WFDC11: variants seen among roughly 807,000 people sequenced by gnomAD.
WFDC11 encodes protein WFDC11.
WFDC11 carries 9 observed loss-of-function variants against 9.9 expected under a neutral mutation model. The ratio of observed to expected loss-of-function variants is 0.91; its 90% CI spans 0.55 to 1.58. WFDC11 has a LOEUF of 1.58. Among genes scored for constraint, WFDC11 ranks in the 40% most tolerant of loss-of-function variants. The probability of loss-of-function intolerance (pLI) is 0.00; values close to 1 mark genes in which losing one functional copy is unlikely to be tolerated. For synonymous variants in WFDC11, 32 were observed against 33.3 expected, an observed-to-expected ratio of 0.96 and a Z score of 0.13; for missense variants, 106 against 101.7, an observed-to-expected ratio of 1.04 and a Z score of -0.18.
At position 45,648,654 on chromosome 20, in the gene WFDC11, T is replaced by C. The variant is rs1600934203; in HGVS notation, c.*65A>G. 6.3e-7 allele frequency: 1 copy of C among 1,577,318 alleles called. No individual in the cohort carries two copies. Among genetic ancestry groups the C allele is most frequent in the Admixed American group, 1.7e-5 (1 of 59,506 alleles). ...GTTCCTAAAAGTAGCCACAGGGTACTACTATGAGACCTCTTAAACATTTCC... is the reference window on the plus strand; with the variant it reads ...GTTCCTAAAAGTAGCCACAGGGTACCACTATGAGACCTCTTAAACATTTCC... On this transcript the variant is annotated 3_prime_UTR_variant, in exon 5 of 5. Coordinates refer to ENST00000324384, the MANE Select transcript of WFDC11 (RefSeq NM_147197.2).
chr20:45,653,370 G>A (rs759457392), intron 2 of WFDC11, among the ~76,000 whole-genome samples: 2 of 151,976 alleles, frequency 1.3e-5, no homozygotes, highest in African/African-American at 4.8e-5. Context: ...TTATAGACAA[G>A]CAAATGCTGA....
intron 1 of WFDC11, among the ~76,000 whole-genome samples, chr20:45,667,792 GA>G (rs1197839949): frequency 6.6e-6 from 1 of 152,156 alleles, no homozygotes; most frequent in East Asian, 1.9e-4. Flanking sequence ...AGGATTCCAT[GA>G]GTTATTTTGT....
chr20:45,664,849 AT>A (rs1216086327), intron 2 of WFDC11, among the ~76,000 whole-genome samples: 2 of 151,882 alleles, frequency 1.3e-5, no homozygotes, highest in Admixed American at 6.5e-5. Flanking sequence ...TGCCCTTAAC[AT>A]TTTTTCCTTC....
chr20:45,659,334 G>T (rs781227158), intron 2 of WFDC11, among the ~76,000 whole-genome samples: 2 of 152,210 alleles, frequency 1.3e-5, no homozygotes, highest in Non-Finnish European at 2.9e-5. Flanking sequence ...CACCAACAGT[G>T]TAAAAGTGTT....
intron 1 of WFDC11, among the ~76,000 whole-genome samples, chr20:45,667,743 A>T (rs1329775974): frequency 6.6e-6 from 1 of 152,188 alleles, no homozygotes; most frequent in South Asian, 2.1e-4. Flanking sequence ...CTCATTTTTA[A>T]AGTGAGAATA....
At chr20:45,663,702 A>G (rs1329130916) in intron 2 of WFDC11, among the ~76,000 whole-genome samples, 1 of 152,164 alleles carries the variant, frequency 6.6e-6, no homozygotes, top group Admixed American at 6.6e-5. Context: ...GTCATTCAGG[A>G]GCAGGTTGTT....
chr20:45,658,062 T>C, intron 2 of WFDC11, among the ~76,000 whole-genome samples: 1 of 152,272 alleles, frequency 6.6e-6, no homozygotes, highest in East Asian at 1.9e-4. Flanking sequence ...AACTGACATA[T>C]AAAAAACTAT....
intron 2 of WFDC11, among the ~76,000 whole-genome samples, chr20:45,654,949 C>G (rs949017470): frequency 6.6e-6 from 1 of 152,046 alleles, no homozygotes; most frequent in African/African-American, 2.4e-5. Context: ...AATAGCTTAC[C>G]AATCAAAAAA....
intron 2 of WFDC11, among the ~76,000 whole-genome samples, chr20:45,656,942 G>T (rs1982947730): frequency 6.6e-6 from 1 of 152,176 alleles, no homozygotes; most frequent in Non-Finnish European, 1.5e-5. Context: ...AACAGGTGCT[G>T]GAGAGGATGT....
intron 1 of WFDC11, among the ~76,000 whole-genome samples, chr20:45,669,140 A>G (rs530261629): frequency 5.9e-5 from 9 of 152,170 alleles, no homozygotes; most frequent in Non-Finnish European, 1.0e-4. Flanking sequence ...TCACAATCAC[A>G]GGCCTTACAC....
intron 1 of WFDC11, 117 bp downstream of exon 1, chr20:45,670,061 C>G (rs1478109924): frequency 6.6e-6 from 1 of 151,896 alleles, no homozygotes; most frequent in Non-Finnish European, 1.5e-5. Flanking sequence ...ACTAGAAAAC[C>G]TACACAAAAT....
chr20:45,654,680 G>T (rs1233369075), intron 2 of WFDC11, among the ~76,000 whole-genome samples: 1 of 151,840 alleles, frequency 6.6e-6, no homozygotes, highest in East Asian at 1.9e-4. Flanking sequence ...CTGATAGACT[G>T]CTAGCAAGAC....
chr20:45,666,542 A>G (rs893749266), intron 2 of WFDC11, among the ~76,000 whole-genome samples: 2 of 152,330 alleles, frequency 1.3e-5, no homozygotes, highest in East Asian at 1.9e-4. Flanking sequence ...AGCTGTTCCT[A>G]TTCGGCCATC....
intron 2 of WFDC11, among the ~76,000 whole-genome samples, chr20:45,658,650 C>A (rs1398648148): frequency 6.6e-6 from 1 of 151,862 alleles, no homozygotes; most frequent in Non-Finnish European, 1.5e-5. Context: ...TTTCAAAGAA[C>A]CAGCTTTTTG....
intron 2 of WFDC11, among the ~76,000 whole-genome samples, chr20:45,655,318 C>T (rs1009399574): frequency 6.6e-6 from 1 of 152,142 alleles, no homozygotes; most frequent in Non-Finnish European, 1.5e-5. Flanking sequence ...ATAAACATAA[C>T]CAACGACAAA....
At chr20:45,667,417 G>T (rs1325195843) in intron 1 of WFDC11, among the ~76,000 whole-genome samples, 1 of 152,206 alleles carries the variant, frequency 6.6e-6, no homozygotes, top group South Asian at 2.1e-4. Flanking sequence ...GCTGATTGTG[G>T]ACACTCAGAC....
At chr20:45,662,631 G>A (rs966124308) in intron 2 of WFDC11, among the ~76,000 whole-genome samples, 35 of 152,192 alleles carry the variant, frequency 2.3e-4, no homozygotes, top group African/African-American at 6.5e-4. Context: ...AGCATGAAGC[G>A]TTGTTGAATT....
At chr20:45,657,716 T>G (rs948237500) in intron 2 of WFDC11, among the ~76,000 whole-genome samples, 1 of 152,192 alleles carries the variant, frequency 6.6e-6, no homozygotes, top group Non-Finnish European at 1.5e-5. Flanking sequence ...CCATGCTTAA[T>G]TTTTCTCTTT....
intron 2 of WFDC11, among the ~76,000 whole-genome samples, chr20:45,656,526 G>A (rs1002703415): frequency 6.6e-6 from 1 of 152,178 alleles, no homozygotes; most frequent in Non-Finnish European, 1.5e-5. Context: ...ATAGGCATGG[G>A]CAAGGACTTC....
Sources: gnomAD v4.1 joint callset for allele counts (sites outside exome capture counted in the v4.1 genomes callset) on GRCh38, gnomAD v4.1.1 for gene constraint, MANE v1.5 for transcripts, NCBI Gene and HGNC (gene_info 2026-07-23, HGNC 2026-07-21) for gene names.